The following STXBP5L variants were observed in gnomAD, a reference collection of about 807,000 sequenced individuals.
The protein encoded by STXBP5L is syntaxin-binding protein 5-like.
STXBP5L carries 65 observed loss-of-function variants against 144.5 expected under a neutral mutation model. The observed-to-expected ratio is 0.45, with a 90% CI of 0.37 to 0.55. The LOEUF (loss-of-function observed/expected upper bound fraction) is 0.55. STXBP5L is among the 20% of genes least tolerant of loss of function. The probability of loss-of-function intolerance (pLI) is 0.00; values close to 1 mark genes in which losing one functional copy is unlikely to be tolerated. For synonymous variants in STXBP5L, 505 were observed against 469.6 expected (o/e 1.08, Z -0.97); for missense variants, 1,298 against 1,405.5 (o/e 0.92, Z 1.22).
chr3:121,365,863 C>A (rs772748250), intron 20 of STXBP5L, among the ~76,000 whole-genome samples: 6 of 151,154 alleles, frequency 4.0e-5, no homozygotes, highest in Non-Finnish European at 7.4e-5. Context: ...AGGTTGTTGC[C>A]TTGAGATTTT....
intron 18 of STXBP5L, among the ~76,000 whole-genome samples, chr3:121,278,513 A>C (rs1415638443): frequency 6.6e-6 from 1 of 151,976 alleles, no homozygotes; most frequent in African/African-American, 2.4e-5. Flanking sequence ...GTCTGTAAGC[A>C]GAAGTAATTT....
At chr3:121,355,634 G>A (rs2045480624) in intron 20 of STXBP5L, among the ~76,000 whole-genome samples, 2 of 151,990 alleles carry the variant, frequency 1.3e-5, no homozygotes, top group South Asian at 4.2e-4. Context: ...GTTCTAACCT[G>A]CTCCTTTAGC....
chr3:121,214,306 T>G (rs1371113631), intron 10 of STXBP5L, among the ~76,000 whole-genome samples: 1 of 152,192 alleles, frequency 6.6e-6, no homozygotes, highest in Non-Finnish European at 1.5e-5. Context: ...TGTTAGGGTG[T>G]CAATTTTAGA....
intron 20 of STXBP5L, among the ~76,000 whole-genome samples, chr3:121,320,682 A>C (rs1282168528): frequency 1.3e-5 from 2 of 150,064 alleles, no homozygotes; most frequent in African/African-American, 4.9e-5. Context: ...GAACACCACC[A>C]CAACGCACAA....
chr3:120,975,064 T>G (rs1286464716), intron 3 of STXBP5L, among the ~76,000 whole-genome samples: 1 of 152,216 alleles, frequency 6.6e-6, no homozygotes, highest in Non-Finnish European at 1.5e-5. Flanking sequence ...AAGTAGTTTT[T>G]TCCAATTCTG....
At chr3:121,201,438 G>A (rs1003695237) in intron 9 of STXBP5L, among the ~76,000 whole-genome samples, 7 of 152,106 alleles carry the variant, frequency 4.6e-5, no homozygotes, top group Non-Finnish European at 5.9e-5. Flanking sequence ...TCCTGATGCA[G>A]CACATCGATG....
At chr3:121,193,714 A>G (rs2047800979) in intron 9 of STXBP5L, among the ~76,000 whole-genome samples, 1 of 152,122 alleles carries the variant, frequency 6.6e-6, no homozygotes, top group Non-Finnish European at 1.5e-5. Context: ...TCAGCAAACT[A>G]TCACAAGGAC....
chr3:121,410,517 C>T (rs977390103), intron 23 of STXBP5L, among the ~76,000 whole-genome samples: 2 of 151,996 alleles, frequency 1.3e-5, no homozygotes, highest in Non-Finnish European at 2.9e-5. Flanking sequence ...TTTTCCCATA[C>T]TGAGTATATT....
At chr3:121,409,937 T>C (rs2047078239) in intron 23 of STXBP5L, among the ~76,000 whole-genome samples, 1 of 151,472 alleles carries the variant, frequency 6.6e-6, no homozygotes, top group Admixed American at 6.6e-5. Context: ...AGAGTGAAAC[T>C]AGGTTTTGAG....
chr3:121,397,367 C>T (rs765159369), intron 22 of STXBP5L, among the ~76,000 whole-genome samples: 2 of 152,104 alleles, frequency 1.3e-5, no homozygotes, highest in East Asian at 1.9e-4. Flanking sequence ...TTCTTAATTA[C>T]GAAAACTGCA....
At chr3:121,274,711 G>A (rs1204856227) in intron 18 of STXBP5L, among the ~76,000 whole-genome samples, 1 of 152,198 alleles carries the variant, frequency 6.6e-6, no homozygotes, top group African/African-American at 2.4e-5. Flanking sequence ...ACCAATGTCT[G>A]AGGCCTGGGC....
intron 5 of STXBP5L, among the ~76,000 whole-genome samples, chr3:121,082,253 G>A (rs1352302030): frequency 6.6e-6 from 1 of 152,028 alleles, no homozygotes; most frequent in East Asian, 1.9e-4. Flanking sequence ...CATGAACATA[G>A]TATGTCTCTA....
rs764254545 is a variant in STXBP5L, at chr3:121,423,508, A to C, written c.*4411A>C. 4 of 152,284 alleles carry C rather than the reference A, an allele frequency of 2.6e-5. No homozygotes were observed. The highest frequency in any genetic ancestry group is 5.9e-5 in the Non-Finnish European group (4 of 68,068). 9.4% of individuals were successfully genotyped at this position (152,284 alleles called of 1,614,324 possible). A position where few individuals can be genotyped will look rare whatever the true frequency, so the allele number is the denominator to read the frequency against. ...GAGGAAGGACATGGGAGCCACAGTGAAGTGAAAGAGGCTTTAAGGAATCAG... is the reference window on the plus strand; with the variant it reads ...GAGGAAGGACATGGGAGCCACAGTGCAGTGAAAGAGGCTTTAAGGAATCAG... On this transcript the variant is annotated 3_prime_UTR_variant, in exon 27 of 27. Transcript: ENST00000471454.
intron 10 of STXBP5L, among the ~76,000 whole-genome samples, chr3:121,218,270 T>C (rs1015176188): frequency 2.1e-5 from 3 of 143,520 alleles, no homozygotes; most frequent in Admixed American, 7.3e-5. Flanking sequence ...TAATATAGTA[T>C]ATATATTACT....
intron 20 of STXBP5L, among the ~76,000 whole-genome samples, chr3:121,374,001 C>T: frequency 6.6e-6 from 1 of 152,204 alleles, no homozygotes; most frequent in East Asian, 1.9e-4. Context: ...AGGGCCCATA[C>T]TACCACCACT....
chr3:120,974,796 G>A (rs77538873), intron 3 of STXBP5L, among the ~76,000 whole-genome samples: 2 of 151,856 alleles, frequency 1.3e-5, no homozygotes, highest in African/African-American at 2.4e-5. Flanking sequence ...TTATTAAATA[G>A]GGAATCCTTT....
Position 121,318,446 on chromosome 3 carries a change from T to G in STXBP5L, c.2111-29T>G, listed in dbSNP as rs766640647. ...TAACCTACAAAATGCTAGCAAAATT[T>G]ATCTCATTTTTTTTCATTGTATTTT... On this transcript the variant is annotated intron_variant, in intron 19 of 26. Coordinates refer to ENST00000471454, the MANE Select transcript of STXBP5L (RefSeq NM_001308330.2). The G allele has an allele frequency of 3.3e-6, 5 of 1,521,514 alleles. No individual in the cohort carries two copies. The South Asian group carries it at 4.0e-5, about 12-fold the overall frequency. 94.3% of individuals were successfully genotyped at this position (1,521,514 alleles called of 1,614,324 possible). A position where few individuals can be genotyped will look rare whatever the true frequency, so the allele number is the denominator to read the frequency against.
At chr3:121,255,167 A>T (rs1237069574) in intron 16 of STXBP5L, 55 bp downstream of exon 16, 2 of 1,379,902 alleles carry the variant, frequency 1.4e-6, no homozygotes, top group Non-Finnish European at 2.0e-6. Context: ...GAAAGCTATT[A>T]TCATAGATTT....
intron 3 of STXBP5L, among the ~76,000 whole-genome samples, chr3:120,995,588 G>A (rs941497496): frequency 1.3e-5 from 2 of 151,140 alleles, no homozygotes; most frequent in South Asian, 2.1e-4. Context: ...GATTTCTCTC[G>A]GTAGTACAAT....
Sources: gnomAD v4.1 joint callset for allele counts (sites outside exome capture counted in the v4.1 genomes callset) on GRCh38, gnomAD v4.1.1 for gene constraint, MANE v1.5 for transcripts, NCBI Gene and HGNC (gene_info 2026-07-23, HGNC 2026-07-21) for gene names.